Variants in RB1 observed in about 807,000 individuals in gnomAD.
RB1 encodes the protein retinoblastoma-associated protein.
A neutral mutation model predicts 135.4 loss-of-function variants in RB1; 18 were observed. The ratio of observed to expected loss-of-function variants is 0.13; its 90% CI spans 0.09 to 0.20. The LOEUF is 0.20. Ranked by LOEUF, RB1 falls within the 10% of genes least tolerant of loss-of-function variation. RB1 has a pLI of 1.00. For synonymous variants in RB1, 365 were observed against 373.2 expected (o/e 0.98, Z 0.25); for missense variants, 868 against 1,110.0 (o/e 0.78, Z 3.10).
rs115611817 is a variant in RB1 at position 48,384,723 on chromosome 13, C to T, written c.1695+3280C>T. ...GCCAATAATTTAATGAAAGAAAGAA[C>T]ATCATCTTATTTTTAATGGTTGTGT... On this transcript the variant is annotated intron_variant, in intron 17 of 26. Transcript: ENST00000267163. Among the ~76,000 whole-genome samples, 1,265 of 152,250 alleles carry T rather than the reference C, an allele frequency of 8.3e-3. 16 individuals carry two copies. Among genetic ancestry groups the T allele is most frequent in the African/African-American group, 0.029 (1,208 of 41,550 alleles).
intron 4 of RB1, 133 bp from the exon 5 acceptor site, chr13:48,347,692 G>A (rs1469438009): frequency 3.3e-6 from 2 of 613,624 alleles, no homozygotes; most frequent in Non-Finnish European, 5.8e-6. Context: ...CTTGAACTTT[G>A]TTTTATAATG....
chr13:48,471,786 C>T (rs1334263093), intron 23 of RB1, among the ~76,000 whole-genome samples: 3 of 152,064 alleles, frequency 2.0e-5, no homozygotes, highest in African/African-American at 7.2e-5. Flanking sequence ...TATTGGATGT[C>T]CTGTAAGTTT....
At chr13:48,322,831 G>C (rs1484696462) in intron 2 of RB1, among the ~76,000 whole-genome samples, 3 of 152,038 alleles carry the variant, frequency 2.0e-5, no homozygotes, top group African/African-American at 7.2e-5. Flanking sequence ...TGATTTTCAG[G>C]TGTTAAACCA....
intron 17 of RB1, among the ~76,000 whole-genome samples, chr13:48,442,565 G>T (rs567419661): frequency 6.6e-6 from 1 of 152,052 alleles, no homozygotes; most frequent in Non-Finnish European, 1.5e-5. Context: ...CTTTAACAAG[G>T]TTTTTTTCCT....
chr13:48,411,924 G>C, intron 17 of RB1: 1 of 1,612,628 alleles, frequency 6.2e-7, no homozygotes. Flanking sequence ...TTCAAAGCAG[G>C]CTTCTGAGGC....
At chr13:48,412,278 C>A (rs149045565) in intron 17 of RB1, 1 of 1,613,850 alleles carries the variant, frequency 6.2e-7, no homozygotes, top group South Asian at 1.1e-5. Context: ...AGTTTCATTT[C>A]GGACTTTGAG....
chr13:48,477,416 T>G lies in RB1; in HGVS notation c.2713+12T>G. 6.3e-7 allele frequency: 1 copy of G among 1,589,776 alleles called. No homozygotes were observed. The highest frequency in any genetic ancestry group is 8.6e-7 in the Non-Finnish European group (1 of 1,158,558). ...ACTGGCAGAAATGAGTAAGTACTTT[T>G]TTCACCTTGTGTAAATGAAATAAAC... On this transcript the variant is annotated intron_variant, in intron 26 of 26. Transcript: ENST00000267163.
intron 17 of RB1, among the ~76,000 whole-genome samples, chr13:48,398,232 T>TA (rs1948663369): frequency 6.6e-6 from 1 of 150,652 alleles, no homozygotes; most frequent in African/African-American, 2.5e-5. Flanking sequence ...TATTTTAATT[T>TA]TAAAAAATTC....
At chr13:48,405,392 T>C (rs1948730943) in intron 17 of RB1, among the ~76,000 whole-genome samples, 1 of 152,200 alleles carries the variant, frequency 6.6e-6, no homozygotes, top group Admixed American at 6.5e-5. Context: ...AATTTTAAGA[T>C]TCATTCTAAT....
rs769658795 is a variant in RB1, at chr13:48,463,713, C to T, written c.2107-18C>T. 3.6e-6 allele frequency: 5 copies of T among 1,372,722 alleles called. No homozygotes were observed. The African/African-American group carries it at 4.3e-5, about 12-fold the overall frequency. 85.0% of individuals were successfully genotyped at this position (1,372,722 alleles called of 1,614,324 possible). A position where few individuals can be genotyped will look rare whatever the true frequency, so the allele number is the denominator to read the frequency against. The stretch of plus-strand genomic sequence containing the variant: ...TGTAATAAAATTCTGACTACTTTTA[C>T]ATCAATTTATTTACTAGATTATGAT... On this transcript the variant is annotated intron_variant, in intron 20 of 26. Coordinates refer to ENST00000267163, the MANE Select transcript of RB1 (RefSeq NM_000321.3).
intron 17 of RB1, among the ~76,000 whole-genome samples, chr13:48,423,094 T>C (rs907244334): frequency 3.9e-5 from 6 of 152,154 alleles, no homozygotes; most frequent in Non-Finnish European, 8.8e-5. Flanking sequence ...TGTACCATTT[T>C]ACTCCATCCT....
At chr13:48,342,470 A>G (rs953578675) in intron 2 of RB1, 129 bp from the exon 3 acceptor site, 2 of 624,714 alleles carry the variant, frequency 3.2e-6, no homozygotes, top group African/African-American at 3.7e-5. Context: ...ATGTGTTACA[A>G]ATATACAGTA....
rs1357623419 is a variant in RB1, at chr13:48,349,113, A to G, written c.607+90A>G. Reference sequence around the variant, plus strand: ...GGACTAAATTCCCCAATTTTTATTGAGTAATGTACTCCTCCCTCATTCTCT... The same window carrying G: ...GGACTAAATTCCCCAATTTTTATTGGGTAATGTACTCCTCCCTCATTCTCT... On this transcript the variant is annotated intron_variant, in intron 6 of 26. Coordinates refer to ENST00000267163, the MANE Select transcript of RB1 (RefSeq NM_000321.3). The G allele has an allele frequency of 2.3e-6, 3 of 1,331,892 alleles. No individual in the cohort carries two copies. The African/African-American group carries it at 4.4e-5, about 20-fold the overall frequency. The allele number at this position is 1,331,892 out of a possible 1,614,324, so 82.5% of individuals were successfully genotyped here.
At chr13:48,391,841 A>T in intron 17 of RB1, among the ~76,000 whole-genome samples, 1 of 151,858 alleles carries the variant, frequency 6.6e-6, no homozygotes, top group East Asian at 1.9e-4. Context: ...CTGGTCTCGA[A>T]CTCCTGACCT....
chr13:48,463,159 A>G (rs966515557), intron 20 of RB1, among the ~76,000 whole-genome samples: 9 of 152,240 alleles, frequency 5.9e-5, no homozygotes, highest in Admixed American at 3.9e-4. Flanking sequence ...TGCATTTAAA[A>G]TATCTTTTAT....
chr13:48,333,033 T>A, intron 2 of RB1: 1 of 398,422 alleles, frequency 2.5e-6, no homozygotes, highest in Admixed American at 4.4e-5. Flanking sequence ...CGCTCACCTG[T>A]TTTCAAACCA....
chr13:48,385,125 T>A (rs893786134), intron 17 of RB1, among the ~76,000 whole-genome samples: 1 of 152,218 alleles, frequency 6.6e-6, no homozygotes, highest in African/African-American at 2.4e-5. Flanking sequence ...TCAGATGCTT[T>A]ATTCCCTATA....
At chr13:48,344,998 T>C (rs1952479068) in intron 3 of RB1, 82 bp from the exon 4 acceptor site, 1 of 1,466,150 alleles carries the variant, frequency 6.8e-7, no homozygotes, top group South Asian at 1.2e-5. Flanking sequence ...ATCTTTTGAA[T>C]TGAAATATCT....
intron 17 of RB1, among the ~76,000 whole-genome samples, chr13:48,410,328 G>T (rs567208327): frequency 6.6e-6 from 1 of 152,208 alleles, no homozygotes; most frequent in South Asian, 2.1e-4. Flanking sequence ...AGTATTCTTT[G>T]CAGTAGCATG....
Sources: allele counts gnomAD v4.1 joint callset (sites outside exome capture counted in the v4.1 genomes callset), GRCh38; gene constraint gnomAD v4.1.1; transcripts MANE v1.5; gene names NCBI Gene and HGNC (gene_info 2026-07-23, HGNC 2026-07-21).